The following ATRN variants were observed in gnomAD, a reference collection of about 807,000 sequenced individuals.
The protein encoded by ATRN is attractin, also known as attractin-2.
A neutral mutation model predicts 178.7 loss-of-function variants in ATRN; 54 were observed. The ratio of observed to expected loss-of-function variants is 0.30; its 90% CI spans 0.24 to 0.38. The LOEUF (loss-of-function observed/expected upper bound fraction) is 0.38, where lower values mean the gene tolerates loss of function less well. ATRN is among the 10% of genes least tolerant of loss of function. The pLI is 1.00. For synonymous variants in ATRN, 636 were observed against 663.0 expected (o/e 0.96, Z 0.63); for missense variants, 1,443 against 1,815.1 (o/e 0.79, Z 3.73).
Position 3,650,120 on chromosome 20 carries a change from C to G in ATRN, c.*3273C>G, listed in dbSNP as rs2087135818. On this transcript the variant is annotated 3_prime_UTR_variant, in exon 29 of 29. Transcript: ENST00000262919. ...CGTGGGTAAGTCCTGCCATTCAAGA[C>G]TGGAGACACCTGGGAAATAAAAAGA... 1 of 152,290 alleles carries G rather than the reference C, an allele frequency of 6.6e-6. No homozygotes were observed. The highest frequency in any genetic ancestry group is 6.5e-5 in the Admixed American group (1 of 15,270). 9.4% of individuals were successfully genotyped at this position (152,290 alleles called of 1,614,324 possible). A position where few individuals can be genotyped will look rare whatever the true frequency, so the allele number is the denominator to read the frequency against.
At chr20:3,475,184 A>G (rs1052531276) in intron 1 of ATRN, among the ~76,000 whole-genome samples, 21 of 152,144 alleles carry the variant, frequency 1.4e-4, no homozygotes, top group African/African-American at 4.8e-4. Flanking sequence ...CTGATTTAGA[A>G]TGGCATCAAG....
intron 11 of ATRN, among the ~76,000 whole-genome samples, chr20:3,569,434 A>G (rs963714153): frequency 6.6e-6 from 1 of 152,184 alleles, no homozygotes; most frequent in African/African-American, 2.4e-5. Flanking sequence ...TAAAAATGCA[A>G]TATAAAAGAT....
chr20:3,542,639 T>A (rs2085641466), intron 3 of ATRN, among the ~76,000 whole-genome samples: 1 of 129,272 alleles, frequency 7.7e-6, no homozygotes, highest in Admixed American at 8.4e-5. Context: ...CCCTTCCCCT[T>A]CCCCTTCCCT....
At position 3,637,604 on chromosome 20, in the gene ATRN, C is replaced by T. The variant is rs575125732; in HGVS notation, c.3943-1224C>T. On this transcript the variant is annotated intron_variant, in intron 26 of 28. Transcript: ENST00000262919. ...GCCTACTTGTATCCCAAGGCATAACCTCAAAGCTTCAGCATCATGCCCAGA... is the reference window on the plus strand; with the variant it reads ...GCCTACTTGTATCCCAAGGCATAACTTCAAAGCTTCAGCATCATGCCCAGA... 5.9e-5 allele frequency among the ~76,000 whole-genome samples: 9 copies of T among 152,304 alleles called. No individual in the cohort carries two copies. The Middle Eastern group carries it at 0.017, about 288-fold the overall frequency.
At chr20:3,536,639 C>A (rs1360388643) in intron 2 of ATRN, among the ~76,000 whole-genome samples, 1 of 152,032 alleles carries the variant, frequency 6.6e-6, no homozygotes, top group Admixed American at 6.5e-5. Flanking sequence ...ATGAAAAAAA[C>A]CCTATATTTA....
At chr20:3,558,123 C>A (rs2085902515) in intron 6 of ATRN, among the ~76,000 whole-genome samples, 1 of 152,166 alleles carries the variant, frequency 6.6e-6, no homozygotes, top group South Asian at 2.1e-4. Flanking sequence ...GTCAGTTGTT[C>A]ATACTTTCAT....
At chr20:3,475,464 G>A (rs970288144) in intron 1 of ATRN, among the ~76,000 whole-genome samples, 2 of 152,276 alleles carry the variant, frequency 1.3e-5, no homozygotes, top group South Asian at 4.1e-4. Flanking sequence ...ACATAGAAAT[G>A]ACTGATTTTA....
In ATRN at chr20:3,597,071, T is replaced by TATATATAA. The variant is rs11087589; in HGVS notation, c.3469+645_3469+646insTATAAATA. Reference sequence around the variant, plus strand: ...GTGAATATGACTTCATATATATATATATAAAACTTCTAAAAGAAAACAAGA... The same window carrying TATATATAA: ...GTGAATATGACTTCATATATATATATATATATAAATAAAACTTCTAAAAGAAAACAAGA... On this transcript the variant is annotated intron_variant, in intron 21 of 28. Coordinates refer to ENST00000262919, the MANE Select transcript of ATRN (RefSeq NM_139321.3). 2.2e-5 allele frequency among the ~76,000 whole-genome samples: 3 copies of TATATATAA among 134,032 alleles called. 1 individual carries two copies. The highest frequency in any genetic ancestry group is 8.7e-5 in the African/African-American group (3 of 34,354). 87.9% of individuals were successfully genotyped at this position (134,032 alleles called of 152,430 possible). A position where few individuals can be genotyped will look rare whatever the true frequency, so the allele number is the denominator to read the frequency against.
intron 13 of ATRN, among the ~76,000 whole-genome samples, chr20:3,576,307 A>T (rs1178575566): frequency 2.0e-5 from 3 of 152,210 alleles, no homozygotes; most frequent in Non-Finnish European, 4.4e-5. Context: ...AGCGGCCCAT[A>T]TTGAACTGTG....
At chr20:3,629,082 A>G (rs1446106535) in intron 25 of ATRN, 1 of 984,662 alleles carries the variant, frequency 1.0e-6, no homozygotes, top group African/African-American at 1.8e-5. Context: ...CTCAGCAGGC[A>G]CTCCCTTACC....
intron 6 of ATRN, among the ~76,000 whole-genome samples, chr20:3,558,534 C>A (rs1006220287): frequency 1.5e-5 from 1 of 64,642 alleles, no homozygotes; most frequent in Admixed American, 1.8e-4. Context: ...AATATCATTT[C>A]TTTTTGTTTT....
intron 16 of ATRN, among the ~76,000 whole-genome samples, chr20:3,583,293 G>A (rs1461617810): frequency 6.6e-6 from 1 of 152,158 alleles, no homozygotes; most frequent in East Asian, 1.9e-4. Context: ...AACCCCTAAA[G>A]TTCATCCTGG....
At chr20:3,498,122 AC>A (rs2084906947) in intron 1 of ATRN, among the ~76,000 whole-genome samples, 1 of 152,220 alleles carries the variant, frequency 6.6e-6, no homozygotes, top group South Asian at 2.1e-4. Flanking sequence ...CCCTCCCAAG[AC>A]TAAACCAGGA....
At position 3,646,948 on chromosome 20, in the gene ATRN, C is replaced by T. The variant is rs902120696; in HGVS notation, c.*101C>T. 49 of 1,437,868 alleles carry T rather than the reference C, an allele frequency of 3.4e-5. No homozygotes were observed. Among genetic ancestry groups the T allele is most frequent in the East Asian group, 2.0e-4 (8 of 40,286 alleles). 89.1% of individuals were successfully genotyped at this position (1,437,868 alleles called of 1,614,324 possible). Reference sequence around the variant, plus strand: ...GGGGAAATGGCTGTGCGGTGCGGGACGGAAGACTGGAAACCCTCAAAGCAT... The same window carrying T: ...GGGGAAATGGCTGTGCGGTGCGGGATGGAAGACTGGAAACCCTCAAAGCAT... On this transcript the variant is annotated 3_prime_UTR_variant, in exon 29 of 29. Coordinates refer to ENST00000262919, the MANE Select transcript of ATRN (RefSeq NM_139321.3).
chr20:3,638,890 G>T lies in ATRN; in HGVS notation c.4005G>T (p.Leu1335Phe). 1 of 1,614,110 alleles carries T rather than the reference G, an allele frequency of 6.2e-7. No individual in the cohort carries two copies. Residue 1335 changes from leucine to phenylalanine, a missense_variant, in exon 27 of 29, where the codon TTG (leucine) becomes TTT (phenylalanine). Coordinates refer to ENST00000262919, the MANE Select transcript of ATRN (RefSeq NM_139321.3). This position sits in a 1 kb window ranked among gnomAD's most constrained non-coding sequence, Gnocchi z 4.5. ...CCTTTGCCTCTGTAAATGTCGCCTT[G>T]GAAACAGATGAGGAGCCTCCTGATC... The part of the protein sequence containing the change: ...SRPFASVNVA[L>F]ETDEEPPDLI...
intron 3 of ATRN, among the ~76,000 whole-genome samples, chr20:3,543,057 C>T (rs1197690043): frequency 6.6e-6 from 1 of 152,158 alleles, no homozygotes; most frequent in Non-Finnish European, 1.5e-5. Context: ...ATGGTTAACC[C>T]TTCATTTACA....
intron 1 of ATRN, chr20:3,490,372 T>A: frequency 2.0e-6 from 2 of 985,798 alleles, no homozygotes; most frequent in Non-Finnish European, 3.3e-6. Context: ...CTTCTCAAAC[T>A]CAGCCTGAAT....
chr20:3,512,648 G>A (rs1224635976), intron 1 of ATRN, among the ~76,000 whole-genome samples: 1 of 152,098 alleles, frequency 6.6e-6, no homozygotes, highest in Non-Finnish European at 1.5e-5. Flanking sequence ...GGGTCAAATG[G>A]TATTTCTAGT....
intron 11 of ATRN, among the ~76,000 whole-genome samples, chr20:3,568,906 A>G (rs1191545777): frequency 1.3e-5 from 2 of 152,160 alleles, no homozygotes; most frequent in African/African-American, 4.8e-5. Context: ...AAGCACTAAC[A>G]TAAGGCACAA....
Sources: gnomAD v4.1 joint callset for allele counts (sites outside exome capture counted in the v4.1 genomes callset) on GRCh38, gnomAD v4.1.1 for gene constraint, Gnocchi (gnomAD v3.1) non-coding constraint, MANE v1.5 for transcripts, NCBI Gene and HGNC (gene_info 2026-07-23, HGNC 2026-07-21) for gene names.